The following TMEM131L variants were observed in gnomAD, a reference collection of about 807,000 sequenced individuals.
The protein encoded by TMEM131L is transmembrane protein 131-like.
Under a neutral mutation model 192.2 loss-of-function variants are expected in TMEM131L, and 54 were observed. The observed-to-expected ratio is 0.28, with a 90% CI of 0.23 to 0.35. TMEM131L has a LOEUF of 0.35. Ranked by LOEUF, TMEM131L falls within the 10% of genes least tolerant of loss-of-function variation. The probability of loss-of-function intolerance (pLI) is 1.00; values close to 1 mark genes in which losing one functional copy is unlikely to be tolerated. For synonymous variants in TMEM131L, 701 were observed against 704.9 expected, an observed-to-expected ratio of 0.99 and a Z score of 0.09; for missense variants, 1,888 against 1,972.9, an observed-to-expected ratio of 0.96 and a Z score of 0.82.
intron 3 of TMEM131L, among the ~76,000 whole-genome samples, chr4:153,488,150 CTGAGT>C (rs946623817): frequency 3.6e-5 from 5 of 139,192 alleles, no homozygotes; most frequent in African/African-American, 1.1e-4. Context: ...GGGTTTGTGG[CTGAGT>C]TTTGTGTGAG....
At chr4:153,470,938 C>T (rs1445369084) in intron 2 of TMEM131L, among the ~76,000 whole-genome samples, 3 of 152,066 alleles carry the variant, frequency 2.0e-5, no homozygotes, top group Admixed American at 6.5e-5. Context: ...GCATTGTCAT[C>T]GTTTCTCCCT....
Position 153,595,721 on chromosome 4 carries a change from A to AC in TMEM131L, c.1996-537_1996-536insC, listed in dbSNP as rs1561225932. On this transcript the variant is annotated intron_variant, in intron 19 of 34. Coordinates refer to ENST00000409959, the MANE Select transcript of TMEM131L (RefSeq NM_001131007.2). ...AGAGCACAAGTTTTATGCCAAAAAA[A>AC]AAAAAAAACACGACATCTTGGAGAA... Among the ~76,000 whole-genome samples, 549 of 141,978 alleles carry AC rather than the reference A, an allele frequency of 3.9e-3. 5 individuals are homozygous for AC. The highest frequency in any genetic ancestry group is 0.013 in the African/African-American group (513 of 40,394). The allele number at this position is 141,978 out of a possible 152,430, so 93.1% of individuals were successfully genotyped here.
intron 32 of TMEM131L, chr4:153,633,349 T>C (rs939524259): frequency 5.3e-4 from 81 of 152,598 alleles, no homozygotes; most frequent in African/African-American, 1.6e-3. Context: ...CTCAAGTAAC[T>C]GGGACTACAG....
At chr4:153,547,805 T>C (rs1198866256) in intron 3 of TMEM131L, among the ~76,000 whole-genome samples, 3 of 152,186 alleles carry the variant, frequency 2.0e-5, no homozygotes, top group Non-Finnish European at 4.4e-5. Flanking sequence ...CAGATCTGGA[T>C]TGGAATTTGG....
rs558935249 is a variant in TMEM131L at position 153,617,345 on chromosome 4, C to T, written c.3568-3411C>T. Among the ~76,000 whole-genome samples, 22 of 152,290 alleles carry T rather than the reference C, an allele frequency of 1.4e-4. 1 individual carries two copies. In the Middle Eastern group the frequency reaches 0.017, roughly 118 times the overall value. On this transcript the variant is annotated intron_variant, in intron 26 of 34. Transcript: ENST00000409959. ...GTCTTAGGTATGTCTTTATCAGCAG[C>T]GTGAAAACGAACTAATACAGGGATC...
chr4:153,489,903 C>A (rs1240220759), intron 3 of TMEM131L, among the ~76,000 whole-genome samples: 1 of 152,020 alleles, frequency 6.6e-6, no homozygotes, highest in African/African-American at 2.4e-5. Context: ...TAACTGGTGC[C>A]AGGCTGTGTG....
intron 3 of TMEM131L, among the ~76,000 whole-genome samples, chr4:153,507,868 C>G (rs115311177): frequency 0.019 from 2,884 of 152,208 alleles, 54 homozygotes; most frequent in South Asian, 0.066. Flanking sequence ...GGATTCAGCC[C>G]AGATCCTAGG....
At chr4:153,499,645 T>C (rs1378757330) in intron 3 of TMEM131L, among the ~76,000 whole-genome samples, 2 of 152,170 alleles carry the variant, frequency 1.3e-5, no homozygotes, top group Non-Finnish European at 2.9e-5. Context: ...CAGGATGGTC[T>C]CAATCTCTTG....
chr4:153,556,967 T>G lies in TMEM131L; in HGVS notation c.434T>G (p.Val145Gly). The G allele has an allele frequency of 6.6e-7, 1 of 1,526,570 alleles. No homozygotes were observed. Among genetic ancestry groups the G allele is most frequent in the Non-Finnish European group, 9.0e-7 (1 of 1,105,118 alleles). 94.6% of individuals were successfully genotyped at this position (1,526,570 alleles called of 1,614,324 possible). Residue 145 changes from valine (V) to glycine (G), a missense_variant and splice_region_variant, in exon 6 of 35, where the codon GTA becomes GGA. By Grantham distance (109) the Val-to-Gly change is moderately radical (BLOSUM62 -3). Coordinates refer to ENST00000409959, the MANE Select transcript of TMEM131L (RefSeq NM_001131007.2). The part of the protein sequence containing the change: ...HFHVPPVPCR[V>G]IPAMGKTSFR... ...GCTGACTGGGGACCTTTCTTTCAGG[T>G]AATTCCAGCAATGGGGAAAACTTCC...
rs368750508 is a variant in TMEM131L, at chr4:153,592,352, G to A, written c.1813-123G>A. 1.1e-5 allele frequency: 7 copies of A among 662,506 alleles called. No individual in the cohort carries two copies. The African/African-American group carries it at 1.1e-4, about 10-fold the overall frequency. The allele number at this position is 662,506 out of a possible 1,614,324, so 41.0% of individuals were successfully genotyped here. On this transcript the variant is annotated intron_variant, in intron 17 of 34. Coordinates refer to ENST00000409959, the MANE Select transcript of TMEM131L (RefSeq NM_001131007.2). ...AGCGTGCTGGCCATTTATTTCCTAT[G>A]ATGTTTCTTGATTGGAGTTACATGA...
chr4:153,631,714 A>G (rs10471076), intron 31 of TMEM131L, among the ~76,000 whole-genome samples: 9,140 of 152,268 alleles, frequency 0.06, 906 homozygotes, highest in African/African-American at 0.21. Flanking sequence ...ACTCTGCTCA[A>G]AACCTTCCAG....
rs531615780 is a variant in TMEM131L at position 153,538,298 on chromosome 4, G to A, written c.240-11775G>A. On this transcript the variant is annotated intron_variant, in intron 3 of 34. Transcript: ENST00000409959. ...ACCCTCCCACCTTTGGTTCCCTGAA[G>A]CATCTCATGGAGGTCCTTGTACGTC... is the stretch of plus-strand genomic sequence containing the variant. 5.9e-5 allele frequency among the ~76,000 whole-genome samples: 9 copies of A among 152,262 alleles called. No homozygotes were observed. In the South Asian group the frequency reaches 1.9e-3, roughly 32 times the overall value.
chr4:153,538,936 C>A (rs1364236588), intron 3 of TMEM131L, among the ~76,000 whole-genome samples: 2 of 152,134 alleles, frequency 1.3e-5, no homozygotes, highest in African/African-American at 4.8e-5. Flanking sequence ...TCGGCTTTCA[C>A]CCCATTTGCT....
At position 153,622,935 on chromosome 4, in the gene TMEM131L, C is replaced by T. The variant is rs1733543041; in HGVS notation, c.3897C>T (p.Asp1299=). 1 of 1,614,108 alleles carries T rather than the reference C, an allele frequency of 6.2e-7. No homozygotes were observed. The highest frequency in any genetic ancestry group is 1.7e-5 in the Admixed American group (1 of 60,008). The change falls in exon 29 of 35, where the codon GAC becomes GAT. Residue 1299 remains aspartate (D), a synonymous_variant. Transcript: ENST00000409959. ...YYQKPEKKCV[D]KFCSDSSSDC... ...AGAAGCCTGAGAAGAAATGTGTGGA[C>T]AAGTTCTGCTCCGATTCCAGCTCTG... is the stretch of plus-strand genomic sequence containing the variant.
chr4:153,599,198 G>A (rs1192695109), intron 21 of TMEM131L, among the ~76,000 whole-genome samples: 1 of 152,180 alleles, frequency 6.6e-6, no homozygotes, highest in Non-Finnish European at 1.5e-5. Context: ...GCTAAAGCAG[G>A]AGCACGAGAG....
At chr4:153,539,194 C>T (rs1736577713) in intron 3 of TMEM131L, among the ~76,000 whole-genome samples, 1 of 152,154 alleles carries the variant, frequency 6.6e-6, no homozygotes, top group Admixed American at 6.5e-5. Context: ...GAAAAAAACC[C>T]AACAAAACAA....
chr4:153,635,528 A>G lies in TMEM131L; in HGVS notation c.4514A>G (p.Asn1505Ser), dbSNP rs139308037. 253 of 1,613,962 alleles carry G rather than the reference A, an allele frequency of 1.6e-4. No individual in the cohort carries two copies. The highest frequency in any genetic ancestry group is 2.1e-4 in the Non-Finnish European group (245 of 1,179,980). Reference protein sequence around the residue: ...NSQSTWNTPPNMPAAWGHASF... With the variant: ...NSQSTWNTPPSMPAAWGHASF... ...CAGTCTACCTGGAACACCCCACCCA[A>G]CATGCCTGCTGCCTGGGGACATGCC... Residue 1505 changes from asparagine (N) to serine (S), a missense_variant, in exon 34 of 35, where the codon AAC becomes AGC. Coordinates refer to ENST00000409959, the MANE Select transcript of TMEM131L (RefSeq NM_001131007.2).
chr4:153,562,500 A>G lies in TMEM131L; in HGVS notation c.660+4132A>G, dbSNP rs555665556. Among the ~76,000 whole-genome samples, 311 of 152,340 alleles carry G rather than the reference A, an allele frequency of 2.0e-3. 1 individual carries two copies. The highest frequency in any genetic ancestry group is 6.9e-3 in the African/African-American group (285 of 41,572). Reference sequence around the variant, plus strand: ...GTTATTTCTTGTATTTTAAGTGGCTATAAAGTTGTCAACTGTTCTTAGAAA... The same window carrying G: ...GTTATTTCTTGTATTTTAAGTGGCTGTAAAGTTGTCAACTGTTCTTAGAAA... On this transcript the variant is annotated intron_variant, in intron 7 of 34. Transcript: ENST00000409959.
At chr4:153,494,309 C>T (rs941639514) in intron 3 of TMEM131L, among the ~76,000 whole-genome samples, 2 of 152,074 alleles carry the variant, frequency 1.3e-5, no homozygotes, top group Admixed American at 1.3e-4. Context: ...CAATTATATC[C>T]ATCTGTTTAT....
Sources: allele counts gnomAD v4.1 joint callset (sites outside exome capture counted in the v4.1 genomes callset), GRCh38; gene constraint gnomAD v4.1.1; transcripts MANE v1.5; gene names NCBI Gene and HGNC (gene_info 2026-07-23, HGNC 2026-07-21).